The following NCAM2 variants were observed in gnomAD, a reference collection of about 807,000 sequenced individuals.
NCAM2 encodes neural cell adhesion molecule 2.
NCAM2 carries 30 observed loss-of-function variants against 98.1 expected under a neutral mutation model. That is an observed-to-expected ratio of 0.31 (90% CI 0.23 to 0.41). NCAM2 has a LOEUF of 0.41. Among genes scored for constraint, NCAM2 ranks in the 10% least tolerant of loss-of-function variants. The pLI, the probability that NCAM2 is intolerant of heterozygous loss-of-function variation, is 1.00. For missense variants in NCAM2, 867 were observed against 1,005.8 expected, an observed-to-expected ratio of 0.86 and a Z score of 1.87; for synonymous variants, 368 against 342.4, an observed-to-expected ratio of 1.07 and a Z score of -0.83.
intron 16 of NCAM2, among the ~76,000 whole-genome samples, chr21:21,520,873 A>G (rs1291258076): frequency 1.3e-5 from 2 of 150,992 alleles, no homozygotes; most frequent in East Asian, 3.9e-4. Context: ...TGAGTTGAAA[A>G]CTCCAGGATG....
At chr21:21,473,344 TTATA>T (rs1984707431) in intron 14 of NCAM2, among the ~76,000 whole-genome samples, 2 of 140,954 alleles carry the variant, frequency 1.4e-5, no homozygotes. Flanking sequence ...ATATATGCAA[TTATA>T]TATAATATAC....
At chr21:21,457,444 A>G (rs1237965112) in intron 12 of NCAM2, among the ~76,000 whole-genome samples, 2 of 152,170 alleles carry the variant, frequency 1.3e-5, no homozygotes, top group African/African-American at 4.8e-5. Flanking sequence ...GTTCGAGACC[A>G]GCCTGGCCAA....
Position 21,027,445 on chromosome 21 carries a change from T to C in NCAM2, c.55+28827T>C, listed in dbSNP as rs147587799. Among the ~76,000 whole-genome samples the C allele has an allele frequency of 6.1e-3, 923 of 152,330 alleles. 47 individuals are homozygous for C. The South Asian group carries it at 0.092, about 15-fold the overall frequency. On this transcript the variant is annotated intron_variant, in intron 1 of 17. Coordinates refer to ENST00000400546, the MANE Select transcript of NCAM2 (RefSeq NM_004540.5). ...ATTCAGAGAAGTTACTTATGCAGAT[T>C]GTTCCAATACAATTTCTAATTATAA...
chr21:21,236,542 A>C (rs1025942230), intron 1 of NCAM2, among the ~76,000 whole-genome samples: 1 of 151,782 alleles, frequency 6.6e-6, no homozygotes, highest in Admixed American at 6.6e-5. Context: ...AAATTATAAC[A>C]TAAAAGAGTA....
intron 1 of NCAM2, among the ~76,000 whole-genome samples, chr21:21,110,503 T>C (rs2066433194): frequency 6.6e-6 from 1 of 151,748 alleles, no homozygotes; most frequent in East Asian, 2.0e-4. Context: ...ACTCTACATA[T>C]AAAGATACAA....
chr21:21,218,700 ATC>A (rs2070011517), intron 1 of NCAM2, among the ~76,000 whole-genome samples: 1 of 152,178 alleles, frequency 6.6e-6, no homozygotes, highest in Admixed American at 6.5e-5. Flanking sequence ...AATAAGTGAA[ATC>A]TCTCCTAGAA....
At chr21:21,427,308 G>A (rs2077236036) in intron 11 of NCAM2, among the ~76,000 whole-genome samples, 2 of 152,092 alleles carry the variant, frequency 1.3e-5, no homozygotes, top group Non-Finnish European at 1.5e-5. Flanking sequence ...CAGGAAAAGA[G>A]CTATCTGATA....
rs145806765 is a variant in NCAM2 at position 21,403,142 on chromosome 21, T to C, written c.1196-7132T>C. On this transcript the variant is annotated intron_variant, in intron 9 of 17. Coordinates refer to ENST00000400546, the MANE Select transcript of NCAM2 (RefSeq NM_004540.5). ...TCCTTTGCCCATTTTAAAATCAGAT[T>C]ATGTGTTTTTTTTGCTATTGAATTT... 4.6e-5 allele frequency among the ~76,000 whole-genome samples: 7 copies of C among 152,230 alleles called. No homozygotes were observed. In the East Asian group the frequency reaches 1.4e-3, roughly 29 times the overall value.
chr21:21,236,842 T>C (rs1367147644), intron 1 of NCAM2, among the ~76,000 whole-genome samples: 1 of 151,980 alleles, frequency 6.6e-6, no homozygotes, highest in Non-Finnish European at 1.5e-5. Context: ...CTTTCCCTAA[T>C]ATCCACAATA....
intron 7 of NCAM2, among the ~76,000 whole-genome samples, chr21:21,337,967 G>A (rs950701388): frequency 1.2e-4 from 18 of 151,968 alleles, no homozygotes; most frequent in Admixed American, 6.6e-4. Flanking sequence ...GCATGTGTCT[G>A]TATAAATATA....
chr21:21,280,387 G>T (rs775435765), intron 1 of NCAM2, among the ~76,000 whole-genome samples, 191 bp from the exon 2 acceptor site: 1 of 152,078 alleles, frequency 6.6e-6, no homozygotes, highest in African/African-American at 2.4e-5. Context: ...TAGTCTGATG[G>T]TTAAATGCAT....
intron 6 of NCAM2, 44 bp downstream of exon 6, chr21:21,324,544 G>A (rs940511398): frequency 7.8e-7 from 1 of 1,287,234 alleles, no homozygotes; most frequent in Non-Finnish European, 1.1e-6. Flanking sequence ...TCCATTATCA[G>A]GCTTATGGAA....
intron 16 of NCAM2, among the ~76,000 whole-genome samples, chr21:21,525,529 C>CT (rs1287809748): frequency 4.6e-5 from 7 of 152,214 alleles, no homozygotes; most frequent in African/African-American, 1.4e-4. Context: ...AATTTATAGT[C>CT]TCCCCAGACA....
chr21:21,518,013 C>A (rs141287233), intron 16 of NCAM2, among the ~76,000 whole-genome samples: 91 of 152,212 alleles, frequency 6.0e-4, no homozygotes, highest in African/African-American at 2.1e-3. Flanking sequence ...ACATTTGTTT[C>A]TTTCTTCATA....
intron 1 of NCAM2, among the ~76,000 whole-genome samples, chr21:21,004,682 G>A (rs1045077268): frequency 2.6e-5 from 4 of 152,082 alleles, no homozygotes; most frequent in South Asian, 2.1e-4. Flanking sequence ...AGTCCTTAGC[G>A]GTTTAGTGCC....
chr21:21,411,071 C>T (rs13051330), intron 10 of NCAM2, among the ~76,000 whole-genome samples: 63 of 8,270 alleles, frequency 7.6e-3, no homozygotes, highest in East Asian at 0.037. Context: ...TATATATATA[C>T]ACACACATAT....
intron 1 of NCAM2, among the ~76,000 whole-genome samples, chr21:21,192,781 G>A (rs2068865682): frequency 1.3e-5 from 2 of 152,130 alleles, no homozygotes; most frequent in South Asian, 4.1e-4. Flanking sequence ...ATGGGAAGAG[G>A]TCACAATGCA....
intron 1 of NCAM2, among the ~76,000 whole-genome samples, chr21:21,255,088 A>G (rs1008340609): frequency 2.0e-5 from 3 of 152,174 alleles, no homozygotes; most frequent in Non-Finnish European, 2.9e-5. Flanking sequence ...TCAGAATAAT[A>G]TTAACAATTT....
At chr21:21,369,443 A>T (rs1416114155) in intron 8 of NCAM2, among the ~76,000 whole-genome samples, 1 of 151,826 alleles carries the variant, frequency 6.6e-6, no homozygotes, top group African/African-American at 2.4e-5. Flanking sequence ...GCATTTATGT[A>T]CAAGTTTTTG....
Sources: allele counts gnomAD v4.1 joint callset (sites outside exome capture counted in the v4.1 genomes callset), GRCh38; gene constraint gnomAD v4.1.1; transcripts MANE v1.5; gene names NCBI Gene and HGNC (gene_info 2026-07-23, HGNC 2026-07-21).